Variants in ATP6V0A4 observed in about 807,000 individuals in gnomAD.
ATP6V0A4 encodes the protein ATPase H+ transporting V0 subunit a4.
In ATP6V0A4, 86 loss-of-function variants were observed where a neutral mutation model predicts 107.3. The ratio of observed to expected loss-of-function variants is 0.80; its 90% CI spans 0.67 to 0.96. ATP6V0A4 has a LOEUF of 0.96. Ranked by LOEUF, ATP6V0A4 falls within the 40% of genes least tolerant of loss-of-function variation. ATP6V0A4 has a pLI of 0.00. For missense variants in ATP6V0A4, 908 were observed against 1,045.6 expected (o/e 0.87, Z 1.81); for synonymous variants, 353 against 381.4 (o/e 0.93, Z 0.87).
At chr7:138,761,110 AC>A (rs1806786309) in intron 7 of ATP6V0A4, among the ~76,000 whole-genome samples, 1 of 151,800 alleles carries the variant, frequency 6.6e-6, no homozygotes, top group Admixed American at 6.6e-5. Context: ...ACCACATCTG[AC>A]CCCCATTTCT....
chr7:138,763,286 C>A (rs1199751229), intron 5 of ATP6V0A4, among the ~76,000 whole-genome samples: 1 of 152,104 alleles, frequency 6.6e-6, no homozygotes, highest in African/African-American at 2.4e-5. Flanking sequence ...ATGGCCACTT[C>A]ATGGAGAAGT....
intron 18 of ATP6V0A4, among the ~76,000 whole-genome samples, chr7:138,728,314 C>G (rs1804821691): frequency 6.7e-6 from 1 of 149,188 alleles, no homozygotes; most frequent in African/African-American, 2.5e-5. Context: ...TCTCCCCCAC[C>G]ACCCTGGGCT....
intron 19 of ATP6V0A4, among the ~76,000 whole-genome samples, chr7:138,720,593 A>G (rs1021146607): frequency 6.6e-6 from 1 of 152,192 alleles, no homozygotes; most frequent in Non-Finnish European, 1.5e-5. Flanking sequence ...TTTTCTTGGG[A>G]AGAATTTTCA....
intron 5 of ATP6V0A4, among the ~76,000 whole-genome samples, chr7:138,763,981 T>A (rs554673305): frequency 0.013 from 1,845 of 145,700 alleles, 15 homozygotes; most frequent in Middle Eastern, 0.039. Context: ...AAAAAATATA[T>A]ATATATATAT....
rs564075898 is a variant in ATP6V0A4, at chr7:138,719,511, A to G, written c.2139+2386T>C. On this transcript the variant is annotated intron_variant, in intron 19 of 21. Coordinates refer to ENST00000310018, the MANE Select transcript of ATP6V0A4 (RefSeq NM_020632.3). The stretch of plus-strand genomic sequence containing the variant: ...CCACCAATCAATCATCAGTCAATCA[A>G]TCAGTCAATCCTGCCTGCATGAGGA... Among the ~76,000 whole-genome samples the G allele has an allele frequency of 6.6e-5, 10 of 152,310 alleles. No homozygotes were observed. The South Asian group carries it at 1.9e-3, about 28-fold the overall frequency.
intron 2 of ATP6V0A4, among the ~76,000 whole-genome samples, chr7:138,775,644 A>ATTTTTTTTT (rs36128448): frequency 1.1e-5 from 1 of 89,078 alleles, no homozygotes; most frequent in Non-Finnish European, 2.1e-5. Flanking sequence ...GATTGGGCTG[A>ATTTTTTTTT]TTTTTTTTTT....
intron 1 of ATP6V0A4, among the ~76,000 whole-genome samples, chr7:138,793,981 T>C (rs1022875876): frequency 1.3e-5 from 2 of 152,182 alleles, no homozygotes; most frequent in African/African-American, 4.8e-5. Flanking sequence ...ATCAACTAAC[T>C]CTATGGCATG....
chr7:138,754,574 T>C (rs1806413925), intron 10 of ATP6V0A4, among the ~76,000 whole-genome samples: 1 of 152,104 alleles, frequency 6.6e-6, no homozygotes, highest in Non-Finnish European at 1.5e-5. Flanking sequence ...TAAAACTGAG[T>C]TGACTTCTAC....
In ATP6V0A4 at chr7:138,769,202, C is replaced by T; in HGVS notation, c.167G>A (p.Arg56Lys). ...SFQRKFVNEV[R>K]RCESLERILR... The stretch of plus-strand genomic sequence containing the variant: ...GATTCTCTCCAGTGATTCACACCTT[C>T]TGACTTCATTCACAAATTTCCTTTG... Residue 56 changes from arginine to lysine, a missense_variant, in exon 4 of 22, where the codon AGA (arginine) becomes AAA (lysine). Arg to Lys is a conservative substitution (Grantham distance 26, BLOSUM62 2). Transcript: ENST00000310018. The T allele has an allele frequency of 6.2e-7, 1 of 1,612,158 alleles. No homozygotes were observed. The highest frequency in any genetic ancestry group is 8.5e-7 in the Non-Finnish European group (1 of 1,179,866).
At chr7:138,746,122 C>T (rs1477451143) in intron 13 of ATP6V0A4, among the ~76,000 whole-genome samples, 1 of 124,008 alleles carries the variant, frequency 8.1e-6, no homozygotes, top group Admixed American at 9.4e-5. Flanking sequence ...AAGGCCTCAT[C>T]TGCTTAGGAA....
At chr7:138,725,350 T>A (rs1437829624) in intron 18 of ATP6V0A4, among the ~76,000 whole-genome samples, 1 of 152,202 alleles carries the variant, frequency 6.6e-6, no homozygotes, top group Non-Finnish European at 1.5e-5. Context: ...CATTTGTAAT[T>A]ACTAACACTG....
intron 5 of ATP6V0A4, 101 bp from the exon 6 acceptor site, chr7:138,763,126 G>A: frequency 2.0e-6 from 3 of 1,531,544 alleles, no homozygotes; most frequent in Non-Finnish European, 2.6e-6. Context: ...AAAGGAATCA[G>A]CACATAACAT....
rs745840781 is a variant in ATP6V0A4 at position 138,721,871 on chromosome 7, T to C, written c.2139+26A>G. The C allele has an allele frequency of 3.7e-6, 6 of 1,613,626 alleles. No individual in the cohort carries two copies. In the Admixed American group the frequency reaches 5.0e-5, roughly 13 times the overall value. ...AGAATTTGTACAAACTGGGGAGTCTTCCTCAGGGGCTCTCGTCCCAGATAC... is the reference window on the plus strand; with the variant it reads ...AGAATTTGTACAAACTGGGGAGTCTCCCTCAGGGGCTCTCGTCCCAGATAC... On this transcript the variant is annotated intron_variant, in intron 19 of 21. Transcript: ENST00000310018.
intron 7 of ATP6V0A4, among the ~76,000 whole-genome samples, chr7:138,761,224 C>A (rs575556842): frequency 2.0e-5 from 3 of 152,094 alleles, no homozygotes; most frequent in Non-Finnish European, 4.4e-5. Flanking sequence ...TCCAGCTACT[C>A]GCGAGGCAGA....
At chr7:138,730,192 CT>C (rs573387887) in intron 17 of ATP6V0A4, among the ~76,000 whole-genome samples, 125 of 152,294 alleles carry the variant, frequency 8.2e-4, no homozygotes, top group African/African-American at 2.9e-3. Context: ...CCTCACTCTA[CT>C]TTTAAATGTC....
intron 19 of ATP6V0A4, among the ~76,000 whole-genome samples, chr7:138,718,476 G>GGGAGGGTGCAGTCAC (rs1191546148): frequency 2.4e-5 from 3 of 125,928 alleles, no homozygotes; most frequent in Non-Finnish European, 5.0e-5. Flanking sequence ...GGGGATGGCG[G>GGGAGGGTGCAGTCAC]GGAGGGTGCA....
intron 11 of ATP6V0A4, among the ~76,000 whole-genome samples, chr7:138,750,985 T>C (rs956156026): frequency 6.6e-6 from 1 of 152,120 alleles, no homozygotes; most frequent in African/African-American, 2.4e-5. Flanking sequence ...TACCTTCAGA[T>C]TCCTCCGCCT....
At chr7:138,722,560 C>T (rs1273649539) in intron 18 of ATP6V0A4, among the ~76,000 whole-genome samples, 1 of 150,244 alleles carries the variant, frequency 6.7e-6, no homozygotes, top group East Asian at 2.0e-4. Context: ...AGTTCGAGAC[C>T]AGCCTGGCAC....
rs995976487 is a variant in ATP6V0A4 at position 138,797,853 on chromosome 7, A to G, written c.-121+181T>C. On this transcript the variant is annotated intron_variant, in intron 1 of 21. Transcript: ENST00000310018. ...ATATTTGCGCTCAGGGGAGAAGGGC[A>G]CAGCTTGCCCCTCCCTTCCTTCCTC... 4 of 728,740 alleles carry G rather than the reference A, an allele frequency of 5.5e-6. No individual in the cohort carries two copies. The African/African-American group carries it at 7.0e-5, about 13-fold the overall frequency. The allele number at this position is 728,740 out of a possible 1,614,324, so 45.1% of individuals were successfully genotyped here.
Sources: gnomAD v4.1 joint callset for allele counts (sites outside exome capture counted in the v4.1 genomes callset) on GRCh38, gnomAD v4.1.1 for gene constraint, MANE v1.5 for transcripts, NCBI Gene and HGNC (gene_info 2026-07-23, HGNC 2026-07-21) for gene names.